Variants in MAP1B observed in about 807,000 individuals in gnomAD.
MAP1B encodes the protein microtubule associated protein 1B.
Under a neutral mutation model 176.1 loss-of-function variants are expected in MAP1B, and 12 were observed. That is an observed-to-expected ratio of 0.07 (90% CI 0.04 to 0.11). The LOEUF (loss-of-function observed/expected upper bound fraction) is 0.11, where lower values mean the gene tolerates loss of function less well. Ranked by LOEUF, MAP1B falls within the 10% of genes least tolerant of loss-of-function variation. The pLI, the probability that MAP1B is intolerant of heterozygous loss-of-function variation, is 1.00. For missense variants in MAP1B, 2,523 were observed against 2,990.5 expected (o/e 0.84, Z 3.65); for synonymous variants, 1,044 against 1,135.0 (o/e 0.92, Z 1.61).
At chr5:72,124,312 C>T (rs1745585290) in intron 2 of MAP1B, among the ~76,000 whole-genome samples, 1 of 152,150 alleles carries the variant, frequency 6.6e-6, no homozygotes, top group African/African-American at 2.4e-5. Context: ...GCACTTAGTG[C>T]ACCACAGGGA....
In MAP1B at chr5:72,205,300, A is replaced by C. The variant is rs1430268542; in HGVS notation, c.*61A>C. On this transcript the variant is annotated 3_prime_UTR_variant, in exon 7 of 7. Transcript: ENST00000296755. ...TGTTTCCAGAAATTCTTCAATTTGA[A>C]ATCACCTTTTCTAAAAAGTCAATTC... is the stretch of plus-strand genomic sequence containing the variant. The C allele has an allele frequency of 6.5e-7, 1 of 1,537,802 alleles. No individual in the cohort carries two copies. Among genetic ancestry groups the C allele is most frequent in the East Asian group, 2.3e-5 (1 of 44,238 alleles).
At chr5:72,182,031 T>G (rs1168977571) in intron 2 of MAP1B, among the ~76,000 whole-genome samples, 1 of 147,008 alleles carries the variant, frequency 6.8e-6, no homozygotes. Flanking sequence ...GCCTTTTTTT[T>G]TTTTTTTTTT....
At chr5:72,150,359 C>G (rs1172642061) in intron 2 of MAP1B, among the ~76,000 whole-genome samples, 1 of 152,230 alleles carries the variant, frequency 6.6e-6, no homozygotes, top group African/African-American at 2.4e-5. Flanking sequence ...ATATTTTAAG[C>G]ATCACCGACT....
At chr5:72,111,638 C>G (rs1351247828) in intron 1 of MAP1B, among the ~76,000 whole-genome samples, 1 of 152,122 alleles carries the variant, frequency 6.6e-6, no homozygotes, top group Non-Finnish European at 1.5e-5. Flanking sequence ...TTTTCAAAGT[C>G]GAAGACAGAT....
At position 72,199,667 on chromosome 5, in the gene MAP1B, C is replaced by G. The variant is rs761160046; in HGVS notation, c.6312C>G (p.Pro2104=). The change falls in exon 5 of 7, where the codon CCC becomes CCG. Residue 2104 remains proline, a synonymous_variant. Transcript: ENST00000296755. This position sits in a 1 kb window ranked among gnomAD's most constrained non-coding sequence, Gnocchi z 4.2. ...AGCTTTCACCCTCTTTCATTAATCC[C>G]AATCCTCTTGAGTGGTTTGCCAGTG... ...KTELSPSFIN[P]NPLEWFASEE... is the part of the protein sequence containing the mutation. 5 of 1,614,184 alleles carry G rather than the reference C, an allele frequency of 3.1e-6. No homozygotes were observed. Among genetic ancestry groups the G allele is most frequent in the Non-Finnish European group, 4.2e-6 (5 of 1,180,028 alleles).
chr5:72,203,041 ATCAAAACTATT>A (rs1747364461), intron 5 of MAP1B, among the ~76,000 whole-genome samples: 1 of 152,206 alleles, frequency 6.6e-6, no homozygotes, highest in African/African-American at 2.4e-5. Flanking sequence ...TGGGGTTAAG[ATCAAAACTATT>A]TGCTAGGTAG....
At chr5:72,132,687 T>A (rs1167890237) in intron 2 of MAP1B, among the ~76,000 whole-genome samples, 1 of 152,240 alleles carries the variant, frequency 6.6e-6, no homozygotes, top group Non-Finnish European at 1.5e-5. Context: ...CCTGTTTTTA[T>A]TGTTCTCTGT....
chr5:72,128,360 G>A (rs1396513087), intron 2 of MAP1B, among the ~76,000 whole-genome samples: 1 of 150,914 alleles, frequency 6.6e-6, no homozygotes, highest in Non-Finnish European at 1.5e-5. Flanking sequence ...AATATCCCTG[G>A]ATGTTATAGT....
Position 72,117,546 on chromosome 5 carries a change from C to T in MAP1B, c.286+1747C>T, listed in dbSNP as rs1046476484. Among the ~76,000 whole-genome samples the T allele has an allele frequency of 3.9e-5, 6 of 152,248 alleles. No individual in the cohort carries two copies. In the South Asian group the frequency reaches 1.0e-3, roughly 26 times the overall value. On this transcript the variant is annotated intron_variant, in intron 2 of 6. Transcript: ENST00000296755. ...GCTGAAGAATTAACCATTTCTAGAC[C>T]CAAGACCTAGTATTGCTCCTGTGGA...
At chr5:72,187,508 C>A (rs1256898948) in intron 4 of MAP1B, among the ~76,000 whole-genome samples, 2 of 152,142 alleles carry the variant, frequency 1.3e-5, no homozygotes, top group Non-Finnish European at 2.9e-5. Context: ...ATTACAGAAA[C>A]AATTCAGACC....
At chr5:72,141,709 A>G (rs1745949735) in intron 2 of MAP1B, among the ~76,000 whole-genome samples, 1 of 152,176 alleles carries the variant, frequency 6.6e-6, no homozygotes, top group Non-Finnish European at 1.5e-5. Flanking sequence ...AATTCCTTAT[A>G]TGGAGAGGTT....
At chr5:72,190,320 T>C (rs1226436617) in intron 4 of MAP1B, among the ~76,000 whole-genome samples, 1 of 152,218 alleles carries the variant, frequency 6.6e-6, no homozygotes, top group East Asian at 1.9e-4. Flanking sequence ...TACAGTTAAG[T>C]ACAGGGCCAT....
chr5:72,148,639 A>T (rs1024831034), intron 2 of MAP1B, among the ~76,000 whole-genome samples: 2 of 152,240 alleles, frequency 1.3e-5, no homozygotes, highest in Non-Finnish European at 2.9e-5. Context: ...CTGCCCTAGG[A>T]CGTGGATCCA....
intron 2 of MAP1B, among the ~76,000 whole-genome samples, chr5:72,135,224 G>A (rs144351677): frequency 1.9e-4 from 29 of 152,064 alleles, no homozygotes; most frequent in African/African-American, 4.8e-4. Flanking sequence ...GGATTGCTCC[G>A]AGCCTTAACT....
At chr5:72,116,386 T>C (rs1123161) in intron 2 of MAP1B, 4,039 of 394,974 alleles carry the variant, frequency 0.01, 149 homozygotes, top group African/African-American at 0.077. Context: ...AAGAATCTGA[T>C]ATTACAAACT....
In MAP1B at chr5:72,199,790, C is replaced by G. The variant is rs377366324; in HGVS notation, c.6435C>G (p.Thr2145=). The G allele has an allele frequency of 4.3e-6, 7 of 1,614,038 alleles. No homozygotes were observed. In the African/African-American group the frequency reaches 6.7e-5, roughly 15 times the overall value. ...GKQQGRQCDE[T]PPTSVSESAP... ...AACAGGGCCGACAGTGTGATGAAAC[C>G]CCTCCCACCTCAGTCAGCGAGTCAG... The change falls in exon 5 of 7, where the codon ACC becomes ACG. Residue 2145 remains threonine, a synonymous_variant. Coordinates refer to ENST00000296755, the MANE Select transcript of MAP1B (RefSeq NM_005909.5). The surrounding 1 kb of genome is among the most constrained non-coding windows in gnomAD (Gnocchi z 4.2).
Position 72,207,400 on chromosome 5 carries a change from A to T in MAP1B, c.*2161A>T, listed in dbSNP as rs1470193392. The T allele has an allele frequency of 2.0e-5, 3 of 152,180 alleles. No homozygotes were observed. The highest frequency in any genetic ancestry group is 4.4e-5 in the Non-Finnish European group (3 of 68,028). 9.4% of individuals were successfully genotyped at this position (152,180 alleles called of 1,614,324 possible). A position where few individuals can be genotyped will look rare whatever the true frequency, so the allele number is the denominator to read the frequency against. On this transcript the variant is annotated 3_prime_UTR_variant, in exon 7 of 7. Transcript: ENST00000296755. ...GCACTGCTAACTATGATGAGGGTTTAAAAAAATGCTTCTTCAGGGTCCTTT... is the reference window on the plus strand; with the variant it reads ...GCACTGCTAACTATGATGAGGGTTTTAAAAAATGCTTCTTCAGGGTCCTTT...
rs557996983 is a variant in MAP1B, at chr5:72,185,452, G to A, written c.370-1162G>A. On this transcript the variant is annotated intron_variant, in intron 3 of 6. Transcript: ENST00000296755. Reference sequence around the variant, plus strand: ...CTACCAAAAATACAAAAAATTAGCCGGGCATGGTGTTGCATGCCTGTGGTC... The same window carrying A: ...CTACCAAAAATACAAAAAATTAGCCAGGCATGGTGTTGCATGCCTGTGGTC... Among the ~76,000 whole-genome samples, 7 of 152,078 alleles carry A rather than the reference G, an allele frequency of 4.6e-5. No homozygotes were observed. The South Asian group carries it at 8.3e-4, about 18-fold the overall frequency.
At chr5:72,190,968 G>T (rs1373612456) in intron 4 of MAP1B, among the ~76,000 whole-genome samples, 1 of 152,178 alleles carries the variant, frequency 6.6e-6, no homozygotes, top group African/African-American at 2.4e-5. Context: ...CTTCCAGTAT[G>T]CCTGCATTTA....
Sources: gnomAD v4.1 joint callset for allele counts (sites outside exome capture counted in the v4.1 genomes callset) on GRCh38, gnomAD v4.1.1 for gene constraint, Gnocchi (gnomAD v3.1) non-coding constraint, MANE v1.5 for transcripts, NCBI Gene and HGNC (gene_info 2026-07-23, HGNC 2026-07-21) for gene names.